The following HPS3 variants were observed in gnomAD, a reference collection of about 807,000 sequenced individuals.
HPS3 encodes HPS3 biogenesis of lysosomal organelles complex 2 subunit 1, also known as BLOC-2 complex member HPS3.
Under a neutral mutation model 110.9 loss-of-function variants are expected in HPS3, and 79 were observed. That is an observed-to-expected ratio of 0.71 (90% CI 0.59 to 0.86). The LOEUF (loss-of-function observed/expected upper bound fraction) is 0.86. HPS3 is among the 40% of genes least tolerant of loss of function. HPS3 has a pLI of 0.00. For synonymous variants in HPS3, 428 were observed against 451.0 expected (o/e 0.95, Z 0.65); for missense variants, 1,197 against 1,206.2 (o/e 0.99, Z 0.11).
At chr3:149,153,829 G>A in intron 7 of HPS3, 181 bp downstream of exon 7, 1 of 634,518 alleles carries the variant, frequency 1.6e-6, no homozygotes, top group South Asian at 2.0e-5. Flanking sequence ...CTTTATAACT[G>A]ACCTGGAAAC....
rs762843434 is a variant in HPS3, at chr3:149,145,562, C to T, written c.1163+16C>T. The T allele has an allele frequency of 1.3e-5, 21 of 1,604,778 alleles. No individual in the cohort carries two copies. The Admixed American group carries it at 2.3e-4, about 18-fold the overall frequency. Reference sequence around the variant, plus strand: ...TCATTACAAGGTACTGTTAGAGGGTCACTTGCTGGCCTGTGAGTCACTTAT... The same window carrying T: ...TCATTACAAGGTACTGTTAGAGGGTTACTTGCTGGCCTGTGAGTCACTTAT... On this transcript the variant is annotated intron_variant, in intron 5 of 16. Coordinates refer to ENST00000296051, the MANE Select transcript of HPS3 (RefSeq NM_032383.5).
chr3:149,134,061 A>T (rs1426508690), intron 1 of HPS3, among the ~76,000 whole-genome samples: 1 of 152,054 alleles, frequency 6.6e-6, no homozygotes, highest in African/African-American at 2.4e-5. Context: ...CAAACATTGG[A>T]TATCTTTAGC....
At chr3:149,170,218 C>T (rs1724838220) in intron 16 of HPS3, among the ~76,000 whole-genome samples, 1 of 152,150 alleles carries the variant, frequency 6.6e-6, no homozygotes, top group Non-Finnish European at 1.5e-5. Context: ...ATTAGCCCCT[C>T]CTTATTTGGG....
intron 5 of HPS3, among the ~76,000 whole-genome samples, chr3:149,148,937 A>G (rs538849513): frequency 6.2e-4 from 91 of 147,354 alleles, no homozygotes; most frequent in African/African-American, 2.3e-3. Context: ...GAGGTAAGTC[A>G]GGGAACCCTG....
chr3:149,138,066 C>T (rs1722222676), intron 1 of HPS3, among the ~76,000 whole-genome samples: 1 of 152,160 alleles, frequency 6.6e-6, no homozygotes, highest in Admixed American at 6.5e-5. Flanking sequence ...TCTGTCCAAA[C>T]TGCTTCCCTG....
chr3:149,139,899 A>T, intron 1 of HPS3, 105 bp from the exon 2 acceptor site: 1 of 1,088,414 alleles, frequency 9.2e-7, no homozygotes, highest in Non-Finnish European at 1.4e-6. Context: ...TTCAGTCTTT[A>T]ATTCGACCAT....
At chr3:149,152,658 T>C (rs1723204790) in intron 6 of HPS3, among the ~76,000 whole-genome samples, 2 of 152,246 alleles carry the variant, frequency 1.3e-5, no homozygotes, top group Admixed American at 1.3e-4. Context: ...TTGAAAGTGC[T>C]TGTGGTCTGT....
At chr3:149,152,367 T>C (rs1723181563) in intron 6 of HPS3, among the ~76,000 whole-genome samples, 1 of 152,100 alleles carries the variant, frequency 6.6e-6, no homozygotes, top group Non-Finnish European at 1.5e-5. Flanking sequence ...AATAATTCCA[T>C]GTATTTTCAG....
chr3:149,159,137 G>A (rs1335550439), intron 10 of HPS3, among the ~76,000 whole-genome samples: 1 of 152,204 alleles, frequency 6.6e-6, no homozygotes, highest in African/African-American at 2.4e-5. Context: ...GAGCTACACA[G>A]AATGCGGGCC....
rs1027461576 is a variant in HPS3, at chr3:149,141,543, T to G, written c.970+163T>G. Among the ~76,000 whole-genome samples, 78 of 138,352 alleles carry G rather than the reference T, an allele frequency of 5.6e-4. No homozygotes were observed. The South Asian group carries it at 6.9e-3, about 12-fold the overall frequency. The allele number at this position is 138,352 out of a possible 152,430, so 90.8% of individuals were successfully genotyped here. On this transcript the variant is annotated intron_variant, in intron 4 of 16. Coordinates refer to ENST00000296051, the MANE Select transcript of HPS3 (RefSeq NM_032383.5). ...AGTTTTTTTTTTTGTTTTTTTTTTTTTTTTTTTTTGAGACTGAGTCTCGCT... is the reference window on the plus strand; with the variant it reads ...AGTTTTTTTTTTTGTTTTTTTTTTTGTTTTTTTTTGAGACTGAGTCTCGCT...
At chr3:149,148,895 A>G (rs903226350) in intron 5 of HPS3, among the ~76,000 whole-genome samples, 4 of 151,262 alleles carry the variant, frequency 2.6e-5, no homozygotes, top group Non-Finnish European at 5.9e-5. Flanking sequence ...TAGGATTCCA[A>G]CAGTAGCCAA....
intron 12 of HPS3, 85 bp from the exon 13 acceptor site, chr3:149,162,605 G>C: frequency 7.3e-7 from 1 of 1,379,110 alleles, no homozygotes; most frequent in Non-Finnish European, 1.0e-6. Flanking sequence ...CGTGGCCCAT[G>C]TGATGCTGTG....
At chr3:149,170,972 T>C (rs1391826956) in intron 16 of HPS3, among the ~76,000 whole-genome samples, 1 of 152,118 alleles carries the variant, frequency 6.6e-6, no homozygotes, top group East Asian at 1.9e-4. Context: ...TATGTTACAT[T>C]CCTTAATATT....
At chr3:149,148,544 A>G (rs1722916523) in intron 5 of HPS3, among the ~76,000 whole-genome samples, 1 of 151,572 alleles carries the variant, frequency 6.6e-6, no homozygotes, top group Non-Finnish European at 1.5e-5. Flanking sequence ...CTGGGGTTAC[A>G]GGTGCCCATC....
At chr3:149,150,073 A>C (rs1365843610) in intron 5 of HPS3, among the ~76,000 whole-genome samples, 1 of 152,258 alleles carries the variant, frequency 6.6e-6, no homozygotes, top group South Asian at 2.1e-4. Flanking sequence ...AGATGCCTTC[A>C]GATGGTCTCT....
At chr3:149,142,465 C>T (rs970553425) in intron 4 of HPS3, among the ~76,000 whole-genome samples, 12 of 152,140 alleles carry the variant, frequency 7.9e-5, no homozygotes, top group African/African-American at 1.2e-4. Flanking sequence ...TACTCAGGCT[C>T]TACATGCAAG....
At chr3:149,160,001 G>C in intron 10 of HPS3, 45 bp from the exon 11 acceptor site, 1 of 1,411,302 alleles carries the variant, frequency 7.1e-7, no homozygotes, top group Non-Finnish European at 1.0e-6. Flanking sequence ...CTTTCTTCTG[G>C]CTGACTGACC....
chr3:149,155,927 T>G lies in HPS3; in HGVS notation c.1509+712T>G, dbSNP rs112696945. The stretch of plus-strand genomic sequence containing the variant: ...CACATACCTGTAGTCCTAGCTACTT[T>G]GGAAGCTAAGATGGGAAGATCACTT... On this transcript the variant is annotated intron_variant, in intron 8 of 16. Transcript: ENST00000296051. Among the ~76,000 whole-genome samples, 1,074 of 152,206 alleles carry G rather than the reference T, an allele frequency of 7.1e-3. 8 individuals are homozygous for G. The highest frequency in any genetic ancestry group is 0.025 in the African/African-American group (1,036 of 41,532).
At chr3:149,141,212 T>A in intron 3 of HPS3, 24 bp downstream of exon 3, 2 of 1,605,406 alleles carry the variant, frequency 1.2e-6, no homozygotes, top group Non-Finnish European at 1.7e-6. Flanking sequence ...TTTTTTTTTT[T>A]TACCAGCATT....
Sources: allele counts gnomAD v4.1 joint callset (sites outside exome capture counted in the v4.1 genomes callset), GRCh38; gene constraint gnomAD v4.1.1; transcripts MANE v1.5; gene names NCBI Gene and HGNC (gene_info 2026-07-23, HGNC 2026-07-21).